FGF12: variants seen among roughly 807,000 people sequenced by gnomAD.
FGF12 encodes the protein fibroblast growth factor 12B.
Under a neutral mutation model 23.6 loss-of-function variants are expected in FGF12, and 14 were observed. That is an observed-to-expected ratio of 0.59 (90% CI 0.39 to 0.93). The LOEUF (loss-of-function observed/expected upper bound fraction) is 0.93. Among genes scored for constraint, FGF12 ranks in the 40% least tolerant of loss-of-function variants. The probability of loss-of-function intolerance (pLI) is 0.00; values close to 1 mark genes in which losing one functional copy is unlikely to be tolerated. For missense variants in FGF12, 175 were observed against 217.8 expected (o/e 0.80, Z 1.24); for synonymous variants, 62 against 77.3 (o/e 0.80, Z 1.04).
At chr3:192,168,719 A>G (rs1318760776) in intron 5 of FGF12, among the ~76,000 whole-genome samples, 2 of 152,200 alleles carry the variant, frequency 1.3e-5, no homozygotes, top group Non-Finnish European at 2.9e-5. Context: ...ATATCTCTCT[A>G]TGATATGCCA....
At chr3:192,337,370 G>C (rs1386363420) in intron 3 of FGF12, among the ~76,000 whole-genome samples, 1 of 152,072 alleles carries the variant, frequency 6.6e-6, no homozygotes, top group Non-Finnish European at 1.5e-5. Flanking sequence ...GTGGAAGTTA[G>C]GTGGTTTTGC....
At chr3:192,167,755 ATATATATATATATAAAATTTT>A (rs1251347817) in intron 5 of FGF12, among the ~76,000 whole-genome samples, 6 of 28,770 alleles carry the variant, frequency 2.1e-4, no homozygotes, top group South Asian at 1.6e-3. Context: ...ATATATATAT[ATATATATATATATAAAATTTT>A]TTTTTTTTTT....
At chr3:192,607,865 A>AAG (rs1553838563) in intron 2 of FGF12, among the ~76,000 whole-genome samples, 9 of 137,338 alleles carry the variant, frequency 6.6e-5, no homozygotes, top group African/African-American at 1.8e-4. Context: ...AAAAAAAAAA[A>AAG]AAGAAGAAGA....
In FGF12 at chr3:192,142,257, C is replaced by T. The variant is rs867067433; in HGVS notation, c.*1752G>A. ...AGGATACCTGGTGAAGGATATGGTCCACTATTGAAGAATAATGATTGTGTA... is the reference window on the plus strand; with the variant it reads ...AGGATACCTGGTGAAGGATATGGTCTACTATTGAAGAATAATGATTGTGTA... On this transcript the variant is annotated 3_prime_UTR_variant, in exon 6 of 6. Coordinates refer to ENST00000445105, the MANE Select transcript of FGF12 (RefSeq NM_004113.6). 2 of 152,412 alleles carry T rather than the reference C, an allele frequency of 1.3e-5. No homozygotes were observed. The highest frequency in any genetic ancestry group is 4.8e-5 in the African/African-American group (2 of 41,386). The allele number at this position is 152,412 out of a possible 1,614,324, so 9.4% of individuals were successfully genotyped here. A position where few individuals can be genotyped will look rare whatever the true frequency, so the allele number is the denominator to read the frequency against.
intron 2 of FGF12, among the ~76,000 whole-genome samples, chr3:192,532,493 T>G (rs1725117189): frequency 6.6e-6 from 1 of 152,144 alleles, no homozygotes; most frequent in African/African-American, 2.4e-5. Flanking sequence ...TAAGTATTTT[T>G]TTTATTTTTT....
intron 2 of FGF12, among the ~76,000 whole-genome samples, chr3:192,720,826 T>C (rs1464525619): frequency 6.6e-6 from 1 of 152,194 alleles, no homozygotes; most frequent in African/African-American, 2.4e-5. Flanking sequence ...ATTGAGGACA[T>C]ACATCATCAC....
At chr3:192,571,000 G>A (rs1236496290) in intron 2 of FGF12, among the ~76,000 whole-genome samples, 1 of 152,100 alleles carries the variant, frequency 6.6e-6, no homozygotes, top group African/African-American at 2.4e-5. Flanking sequence ...AGGGTTCCGT[G>A]ATTCCATTAA....
intron 2 of FGF12, among the ~76,000 whole-genome samples, chr3:192,382,010 T>C (rs1370161983): frequency 3.3e-5 from 5 of 150,976 alleles, no homozygotes; most frequent in Non-Finnish European, 7.4e-5. Context: ...TTTTTTTTCT[T>C]TTTTGAGATG....
chr3:192,399,961 C>A lies in FGF12; in HGVS notation c.14-39423G>T, dbSNP rs571119561. Among the ~76,000 whole-genome samples the A allele has an allele frequency of 4.6e-4, 70 of 152,228 alleles. 1 individual carries two copies. The highest frequency in any genetic ancestry group is 4.1e-3 in the South Asian group (20 of 4,820). On this transcript the variant is annotated intron_variant, in intron 2 of 5. Coordinates refer to ENST00000445105, the MANE Select transcript of FGF12 (RefSeq NM_004113.6). ...GGAGTGGTGGTTACAAGACCGCCAC[C>A]CTCAGGATACCCAACCGGAGGATCC...
At chr3:192,485,806 T>C (rs1723616859) in intron 2 of FGF12, among the ~76,000 whole-genome samples, 1 of 152,138 alleles carries the variant, frequency 6.6e-6, no homozygotes, top group Admixed American at 6.6e-5. Flanking sequence ...AAACATTAAA[T>C]ATATAACTGC....
chr3:192,690,408 T>C (rs905004363), intron 2 of FGF12, among the ~76,000 whole-genome samples: 3 of 151,780 alleles, frequency 2.0e-5, no homozygotes, highest in African/African-American at 4.8e-5. Context: ...ATCAACAACA[T>C]AAAATGTGGG....
At chr3:192,636,163 G>A (rs1382071536) in intron 2 of FGF12, among the ~76,000 whole-genome samples, 1 of 152,094 alleles carries the variant, frequency 6.6e-6, no homozygotes. Context: ...GTAATGTATA[G>A]AAACTCACCT....
chr3:192,672,115 G>C (rs1210135002), intron 2 of FGF12, among the ~76,000 whole-genome samples: 1 of 138,464 alleles, frequency 7.2e-6, no homozygotes, highest in African/African-American at 2.5e-5. Context: ...ATAGTAAACT[G>C]CAGGAATATG....
intron 5 of FGF12, among the ~76,000 whole-genome samples, chr3:192,156,417 T>TATAG (rs1714423696): frequency 1.3e-5 from 2 of 152,212 alleles, no homozygotes; most frequent in South Asian, 4.1e-4. Context: ...GGTATGATGT[T>TATAG]ATAGATAGTA....
At chr3:192,440,336 A>G (rs1315870210) in intron 2 of FGF12, among the ~76,000 whole-genome samples, 1 of 152,178 alleles carries the variant, frequency 6.6e-6, no homozygotes, top group African/African-American at 2.4e-5. Flanking sequence ...AAGCAAAGGG[A>G]GCATTTAGCA....
At chr3:192,379,874 T>C (rs1299883253) in intron 2 of FGF12, among the ~76,000 whole-genome samples, 12 of 152,198 alleles carry the variant, frequency 7.9e-5, no homozygotes, top group African/African-American at 2.7e-4. Context: ...CAAGATCTTT[T>C]TTACCTCTTT....
chr3:192,454,828 G>C (rs1182334799), intron 2 of FGF12, among the ~76,000 whole-genome samples: 1 of 152,190 alleles, frequency 6.6e-6, no homozygotes, highest in Non-Finnish European at 1.5e-5. Context: ...GACACATTCA[G>C]AAGATGTCTG....
At chr3:192,147,208 A>G (rs996345504) in intron 5 of FGF12, among the ~76,000 whole-genome samples, 1 of 152,242 alleles carries the variant, frequency 6.6e-6, no homozygotes, top group Non-Finnish European at 1.5e-5. Flanking sequence ...GATTAAATGT[A>G]ATTTCTTGAG....
At chr3:192,399,471 TTTATC>T (rs1475245706) in intron 2 of FGF12, among the ~76,000 whole-genome samples, 1 of 152,170 alleles carries the variant, frequency 6.6e-6, no homozygotes, top group African/African-American at 2.4e-5. Flanking sequence ...TGCATGGTAT[TTTATC>T]ATAACAACCA....
Sources: allele counts gnomAD v4.1 joint callset (sites outside exome capture counted in the v4.1 genomes callset), GRCh38; gene constraint gnomAD v4.1.1; transcripts MANE v1.5; gene names NCBI Gene and HGNC (gene_info 2026-07-23, HGNC 2026-07-21).